THEM4: variants seen among roughly 807,000 people sequenced by gnomAD.
The protein encoded by THEM4 is acyl-coenzyme A thioesterase THEM4.
A neutral mutation model predicts 25.0 loss-of-function variants in THEM4; 22 were observed. The ratio of observed to expected loss-of-function variants is 0.88; its 90% CI spans 0.63 to 1.26. The LOEUF is 1.26. Ranked by LOEUF, THEM4 falls within the 50% of genes most tolerant of loss-of-function variation. The pLI is 0.00. For synonymous variants in THEM4, 113 were observed against 105.6 expected (o/e 1.07, Z -0.43); for missense variants, 286 against 300.3 (o/e 0.95, Z 0.35).
intron 1 of THEM4, among the ~76,000 whole-genome samples, chr1:151,906,445 C>G (rs866848019): frequency 1.3e-5 from 2 of 152,248 alleles, no homozygotes; most frequent in African/African-American, 4.8e-5. Context: ...CTGCACGGCC[C>G]GAGCCTCCCT....
At chr1:151,908,303 T>G (rs1286563804) in intron 1 of THEM4, among the ~76,000 whole-genome samples, 2 of 152,258 alleles carry the variant, frequency 1.3e-5, no homozygotes, top group Non-Finnish European at 2.9e-5. Flanking sequence ...TCTTTCTGTA[T>G]GCTCCACAGC....
intron 3 of THEM4, 70 bp downstream of exon 3, chr1:151,889,144 G>C: frequency 1.5e-6 from 2 of 1,324,846 alleles, no homozygotes; most frequent in Non-Finnish European, 2.1e-6. Flanking sequence ...TGTAGTCCAT[G>C]TACAGGACAC....
intron 5 of THEM4, among the ~76,000 whole-genome samples, chr1:151,876,104 C>T (rs971920428): frequency 6.6e-6 from 1 of 152,214 alleles, no homozygotes; most frequent in African/African-American, 2.4e-5. Context: ...AACCTCAGTA[C>T]TCCAGGGAAG....
chr1:151,904,661 T>C (rs758236439), intron 1 of THEM4, among the ~76,000 whole-genome samples: 2 of 152,216 alleles, frequency 1.3e-5, no homozygotes, highest in Non-Finnish European at 2.9e-5. Flanking sequence ...AGGTCAGATA[T>C]GGTCAGAATC....
At position 151,899,971 on chromosome 1, in the gene THEM4, T is replaced by C. The variant is rs546541698; in HGVS notation, c.100-4777A>G. Reference sequence around the variant, plus strand: ...ACAGCAGATTTCTCAGCAGAAACCCTACAAGCCAGAAGGGATTGGGGCCCT... The same window carrying C: ...ACAGCAGATTTCTCAGCAGAAACCCCACAAGCCAGAAGGGATTGGGGCCCT... On this transcript the variant is annotated intron_variant, in intron 1 of 5. Coordinates refer to ENST00000368814, the MANE Select transcript of THEM4 (RefSeq NM_053055.5). Among the ~76,000 whole-genome samples, 18 of 152,270 alleles carry C rather than the reference T, an allele frequency of 1.2e-4. No homozygotes were observed. The South Asian group carries it at 3.5e-3, about 30-fold the overall frequency.
At chr1:151,875,028 C>G (rs1023817891) in intron 5 of THEM4, 100 bp from the exon 6 acceptor site, 1 of 987,906 alleles carries the variant, frequency 1.0e-6, no homozygotes, top group South Asian at 1.3e-5. Flanking sequence ...GGATTTGATT[C>G]ACATTTGTAG....
At chr1:151,890,061 C>G (rs1294443276) in intron 2 of THEM4, 1 of 316,648 alleles carries the variant, frequency 3.2e-6, no homozygotes, top group African/African-American at 2.2e-5. Context: ...CGCCCACCAC[C>G]ACGCCTGACT....
chr1:151,884,487 G>C (rs1299886561), intron 4 of THEM4, among the ~76,000 whole-genome samples: 2 of 152,122 alleles, frequency 1.3e-5, no homozygotes, highest in South Asian at 2.1e-4. Flanking sequence ...TGGAGAGAAA[G>C]AAATGACATT....
rs1654546116 is a variant in THEM4, at chr1:151,909,351, C to T, written c.99+9G>A. 1.3e-6 allele frequency: 2 copies of T among 1,514,926 alleles called. No homozygotes were observed. Among genetic ancestry groups the T allele is most frequent in the East Asian group, 2.7e-5 (1 of 37,570 alleles). 93.8% of individuals were successfully genotyped at this position (1,514,926 alleles called of 1,614,324 possible). On this transcript the variant is annotated intron_variant, in intron 1 of 5. Transcript: ENST00000368814. ...CTCCCGCCCCATGCCCGAGGGTGCC[C>T]AGACTCACCAGCTCGGGTCGCGGCT...
Position 151,899,532 on chromosome 1 carries a change from A to G in THEM4, c.100-4338T>C, listed in dbSNP as rs191839065. On this transcript the variant is annotated intron_variant, in intron 1 of 5. Transcript: ENST00000368814. The stretch of plus-strand genomic sequence containing the variant: ...AAATATTCAAGGAAATAGCTTAAAG[A>G]AAAAACAATAAAAAATTCAGGAAAT... 5.7e-3 allele frequency among the ~76,000 whole-genome samples: 865 copies of G among 152,198 alleles called. 4 individuals carry two copies. The highest frequency in any genetic ancestry group is 0.014 in the Middle Eastern group (4 of 294).
At chr1:151,881,202 C>T (rs1015935305) in intron 4 of THEM4, among the ~76,000 whole-genome samples, 1 of 152,040 alleles carries the variant, frequency 6.6e-6, no homozygotes, top group African/African-American at 2.4e-5. Flanking sequence ...GGTTCTCAGT[C>T]TGTCCCCCAG....
chr1:151,907,192 G>A (rs183444854), intron 1 of THEM4, among the ~76,000 whole-genome samples: 5 of 152,124 alleles, frequency 3.3e-5, no homozygotes, highest in East Asian at 1.9e-4. Context: ...CACTCACCAC[G>A]AAGGTCCGCA....
Position 151,888,981 on chromosome 1 carries a change from C to G in THEM4, c.446+233G>C, listed in dbSNP as rs192074930. ...TAATGATATGCTCTCAAATTATACT[C>G]TATTGCCCTATGCCCTATAATATTA... is the stretch of plus-strand genomic sequence containing the variant. On this transcript the variant is annotated intron_variant, in intron 3 of 5. Coordinates refer to ENST00000368814, the MANE Select transcript of THEM4 (RefSeq NM_053055.5). Among the ~76,000 whole-genome samples the G allele has an allele frequency of 2.2e-3, 339 of 152,226 alleles. 1 individual carries two copies. The highest frequency in any genetic ancestry group is 6.3e-3 in the Admixed American group (96 of 15,302).
chr1:151,905,689 TC>T (rs1446864331), intron 1 of THEM4, among the ~76,000 whole-genome samples: 10 of 152,112 alleles, frequency 6.6e-5, no homozygotes, highest in Non-Finnish European at 1.5e-4. Context: ...AAAGTAAAGT[TC>T]CCCCTTGAAT....
In THEM4 at chr1:151,909,434, G is replaced by T. The variant is rs745344976; in HGVS notation, c.25C>A (p.Leu9Ile). The change falls in exon 1 of 6, where the codon CTC (leucine) becomes ATC (isoleucine). Residue 9 changes from leucine to isoleucine, a missense_variant. Leu to Ile is a conservative substitution (Grantham distance 5). Transcript: ENST00000368814. MLRSCAAR[L>I]RTLGALCLPP... Reference sequence around the variant, plus strand: ...AGGCACAGAGCCCCCAGCGTGCGGAGGCGCGCGGCGCAGCTCCTCAGCATG... The same window carrying T: ...AGGCACAGAGCCCCCAGCGTGCGGATGCGCGCGGCGCAGCTCCTCAGCATG... 2.7e-6 allele frequency: 4 copies of T among 1,463,164 alleles called. No homozygotes were observed. The African/African-American group carries it at 5.9e-5, about 22-fold the overall frequency. 90.6% of individuals were successfully genotyped at this position (1,463,164 alleles called of 1,614,324 possible).
At chr1:151,901,012 C>A (rs1420335961) in intron 1 of THEM4, among the ~76,000 whole-genome samples, 2 of 152,252 alleles carry the variant, frequency 1.3e-5, no homozygotes, top group Admixed American at 1.3e-4. Context: ...GATAACTAGC[C>A]AGAGCCCATC....
intron 2 of THEM4, among the ~76,000 whole-genome samples, chr1:151,892,089 A>C (rs1440322568): frequency 1.3e-5 from 2 of 152,076 alleles, no homozygotes; most frequent in African/African-American, 4.8e-5. Flanking sequence ...GGGCTTTTTA[A>C]GATGAGGGGA....
At chr1:151,884,687 GTT>G (rs11371460) in intron 4 of THEM4, among the ~76,000 whole-genome samples, 1 of 146,552 alleles carries the variant, frequency 6.8e-6, no homozygotes, top group South Asian at 2.1e-4. Flanking sequence ...CCTTTTTTTT[GTT>G]TTTTTTTTGT....
In THEM4 at chr1:151,874,710, G is replaced by T; in HGVS notation, c.*178C>A. ...CGATATGCTCGCAGGAAGTATTTCTGTGTTAAAAAGTTGAGAAGATGGAAA... is the reference window on the plus strand; with the variant it reads ...CGATATGCTCGCAGGAAGTATTTCTTTGTTAAAAAGTTGAGAAGATGGAAA... On this transcript the variant is annotated 3_prime_UTR_variant, in exon 6 of 6. Coordinates refer to ENST00000368814, the MANE Select transcript of THEM4 (RefSeq NM_053055.5). 1 of 687,078 alleles carries T rather than the reference G, an allele frequency of 1.5e-6. No individual in the cohort carries two copies. The highest frequency in any genetic ancestry group is 2.6e-6 in the Non-Finnish European group (1 of 384,134). The allele number at this position is 687,078 out of a possible 1,614,324, so 42.6% of individuals were successfully genotyped here.
Sources: allele counts gnomAD v4.1 joint callset (sites outside exome capture counted in the v4.1 genomes callset), GRCh38; gene constraint gnomAD v4.1.1; transcripts MANE v1.5; gene names NCBI Gene and HGNC (gene_info 2026-07-23, HGNC 2026-07-21).